MTMR8: variants seen among roughly 807,000 people sequenced by gnomAD.
The protein encoded by MTMR8 is phosphatidylinositol-3,5-bisphosphate 3-phosphatase MTMR8.
In MTMR8, 65 loss-of-function variants were observed where a neutral mutation model predicts 39.3. The observed-to-expected ratio is 1.65, with a 90% CI of 1.35 to 2.03. The LOEUF is 2.03. Among genes scored for constraint, MTMR8 ranks in the 30% most tolerant of loss-of-function variants. The probability of loss-of-function intolerance (pLI) is 0.00; values close to 1 mark genes in which losing one functional copy is unlikely to be tolerated. For missense variants in MTMR8, 777 were observed against 538.9 expected (o/e 1.44, Z -4.37); for synonymous variants, 245 against 185.2 (o/e 1.32, Z -2.62).
At chrX:64,323,818 C>G (rs901271366) in intron 12 of MTMR8, among the ~76,000 whole-genome samples, 2 of 111,741 alleles carry the variant, frequency 1.8e-5, no homozygotes, top group Admixed American at 1.9e-4. Context: ...ATATGACCAA[C>G]AGGTCAATGA....
chrX:64,317,004 C>A (rs991119253), intron 12 of MTMR8, among the ~76,000 whole-genome samples: 1 of 105,799 alleles, frequency 9.5e-6, no homozygotes, highest in African/African-American at 3.5e-5. Flanking sequence ...CCCAGCTACT[C>A]GGGAGGCTGA....
chrX:64,368,503 T>A (rs1002217909), intron 1 of MTMR8, among the ~76,000 whole-genome samples: 1 of 111,576 alleles, frequency 9.0e-6, no homozygotes, highest in Non-Finnish European at 1.9e-5. Flanking sequence ...AAACAAGAAA[T>A]GGGGAAATAA....
rs370109828 is a variant in MTMR8 at position 64,348,768 on chromosome X, A to G, written c.624T>C (p.Pro208=). The G allele has an allele frequency of 3.3e-6, 4 of 1,209,186 alleles. No homozygotes were observed. The African/African-American group carries it at 7.0e-5, about 21-fold the overall frequency. Residue 208 remains proline (P), a synonymous_variant, in exon 6 of 14, where the codon CCT becomes CCC. Coordinates refer to ENST00000374852, the MANE Select transcript of MTMR8 (RefSeq NM_017677.4). ...CACAGCGAGTGTAAAATCCAGAGAG[A>G]GGCTGGCTACAGCGGCAAATGGCAG... ...NNAAICRCSQ[P]LSGFYTRCVD...
intron 1 of MTMR8, among the ~76,000 whole-genome samples, chrX:64,378,803 T>C (rs1167723310): frequency 5.4e-5 from 6 of 111,244 alleles, no homozygotes; most frequent in Non-Finnish European, 9.4e-5. Flanking sequence ...TAGAAATCAA[T>C]GAAATTGATA....
chrX:64,290,223 C>A (rs1482624522), intron 12 of MTMR8, among the ~76,000 whole-genome samples: 2 of 109,633 alleles, frequency 1.8e-5, no homozygotes, highest in Non-Finnish European at 3.8e-5. Flanking sequence ...TAAAAATGGT[C>A]AAAAAGGTAA....
intron 1 of MTMR8, among the ~76,000 whole-genome samples, chrX:64,394,915 A>G (rs1924782327): frequency 8.9e-6 from 1 of 112,303 alleles, no homozygotes; most frequent in African/African-American, 3.2e-5. Context: ...AGCCAAGAGG[A>G]TGGTGAAGAA....
At position 64,392,914 on chromosome X, in the gene MTMR8, C is replaced by T. The variant is rs1015587799; in HGVS notation, c.24+2426G>A. Among the ~76,000 whole-genome samples the T allele has an allele frequency of 2.7e-5, 3 of 111,111 alleles. No individual in the cohort carries two copies. The Admixed American group carries it at 2.9e-4, about 11-fold the overall frequency. Reference sequence around the variant, plus strand: ...AACAAAAGGGAGGCCATTTTAATCCCGAGCCATTAATGCAACCCTAATCCT... The same window carrying T: ...AACAAAAGGGAGGCCATTTTAATCCTGAGCCATTAATGCAACCCTAATCCT... On this transcript the variant is annotated intron_variant, in intron 1 of 13. Transcript: ENST00000374852.
intron 1 of MTMR8, 121 bp downstream of exon 1, chrX:64,395,219 A>AC: frequency 2.7e-6 from 2 of 727,990 alleles, no homozygotes; most frequent in Non-Finnish European, 4.2e-6. Context: ...AGAACCCGGG[A>AC]CCCCCCACAG....
chrX:64,284,270 G>C (rs1301555702), intron 12 of MTMR8, among the ~76,000 whole-genome samples: 2 of 111,721 alleles, frequency 1.8e-5, no homozygotes, highest in Non-Finnish European at 3.8e-5. Flanking sequence ...GAGAAGTTTA[G>C]AGAAAAAAGA....
At chrX:64,328,236 TC>T (rs1322512561) in intron 12 of MTMR8, among the ~76,000 whole-genome samples, 3 of 111,356 alleles carry the variant, frequency 2.7e-5, no homozygotes, top group Admixed American at 9.6e-5. Flanking sequence ...ATAAAAGACA[TC>T]CAAATTGAAA....
Position 64,359,461 on chromosome X carries a change from T to G in MTMR8, c.91A>C (p.Thr31Pro), listed in dbSNP as rs1294921963. 8.3e-7 allele frequency: 1 copy of G among 1,208,987 alleles called. No individual in the cohort carries two copies. ...TCCACATAGATCAGGTGGGTTGCAG[T>G]AAGATAAAGAATCCCATTAGCTGGT... ...KKPANGILYL[T>P]ATHLIYVEAS... The change falls in exon 2 of 14, where the codon ACT becomes CCT. Residue 31 changes from threonine to proline, a missense_variant. Coordinates refer to ENST00000374852, the MANE Select transcript of MTMR8 (RefSeq NM_017677.4).
chrX:64,374,772 T>A (rs921681171), intron 1 of MTMR8, among the ~76,000 whole-genome samples: 2 of 110,670 alleles, frequency 1.8e-5, no homozygotes, highest in African/African-American at 3.3e-5. Flanking sequence ...GATGAAATCA[T>A]CCAGGACTGC....
At chrX:64,348,609 G>C (rs1201595738) in intron 6 of MTMR8, 51 bp downstream of exon 6, 1 of 1,190,242 alleles carries the variant, frequency 8.4e-7, no homozygotes, top group African/African-American at 1.7e-5. Flanking sequence ...TATATGAGGA[G>C]GTAGAATGCA....
intron 1 of MTMR8, among the ~76,000 whole-genome samples, chrX:64,380,668 T>C (rs746222921): frequency 8.9e-6 from 1 of 112,327 alleles, no homozygotes; most frequent in Admixed American, 9.4e-5. Context: ...TATGTATACA[T>C]GTGCCATGTT....
intron 12 of MTMR8, among the ~76,000 whole-genome samples, chrX:64,292,895 C>T (rs1239208887): frequency 1.8e-5 from 2 of 111,343 alleles, no homozygotes; most frequent in African/African-American, 6.5e-5. Context: ...GTAGGAGTGA[C>T]CCTCAAAAGA....
chrX:64,284,228 T>C (rs1921067001), intron 12 of MTMR8, among the ~76,000 whole-genome samples: 1 of 111,816 alleles, frequency 8.9e-6, no homozygotes, highest in Non-Finnish European at 1.9e-5. Context: ...GTATCAATGA[T>C]TGAAGACCAC....
intron 9 of MTMR8, among the ~76,000 whole-genome samples, chrX:64,336,580 A>T (rs1363186091): frequency 9.1e-6 from 1 of 109,925 alleles, no homozygotes; most frequent in Non-Finnish European, 1.9e-5. Context: ...GGCAGATCAC[A>T]TGAGGCCAGG....
intron 12 of MTMR8, among the ~76,000 whole-genome samples, chrX:64,314,595 G>A (rs1400969976): frequency 8.8e-6 from 1 of 113,160 alleles, no homozygotes; most frequent in African/African-American, 3.2e-5. Context: ...CTGCAATGGC[G>A]GTACAGCAGC....
intron 1 of MTMR8, among the ~76,000 whole-genome samples, chrX:64,393,484 G>T (rs1434684260): frequency 8.9e-6 from 1 of 112,125 alleles, no homozygotes; most frequent in Non-Finnish European, 1.9e-5. Flanking sequence ...GACAGGAGCA[G>T]TTCTGCCTCC....
Sources: allele counts gnomAD v4.1 joint callset (sites outside exome capture counted in the v4.1 genomes callset), GRCh38; gene constraint gnomAD v4.1.1; transcripts MANE v1.5; gene names NCBI Gene and HGNC (gene_info 2026-07-23, HGNC 2026-07-21).